The following PPFIA1 variants were observed in gnomAD, a reference collection of about 807,000 sequenced individuals.
PPFIA1 encodes liprin-alpha-1.
PPFIA1 carries 25 observed loss-of-function variants against 149.9 expected under a neutral mutation model. That is an observed-to-expected ratio of 0.17 (90% confidence interval 0.12 to 0.23). The LOEUF is 0.23. Ranked by LOEUF, PPFIA1 falls within the 10% of genes least tolerant of loss-of-function variation. PPFIA1 has a pLI of 1.00. For synonymous variants in PPFIA1, 549 were observed against 552.8 expected (o/e 0.99, Z 0.10); for missense variants, 1,362 against 1,506.5 (o/e 0.90, Z 1.59).
chr11:70,344,397 A>G (rs1477488877), intron 15 of PPFIA1, among the ~76,000 whole-genome samples: 2 of 152,234 alleles, frequency 1.3e-5, no homozygotes, highest in Non-Finnish European at 2.9e-5. Flanking sequence ...AGTGCCACTC[A>G]CCAGAGAGAC....
At chr11:70,325,471 C>T (rs765976186) in intron 4 of PPFIA1, 29 bp from the exon 5 acceptor site, 2 of 1,483,792 alleles carry the variant, frequency 1.3e-6, no homozygotes, top group East Asian at 4.5e-5. Context: ...TACACACACA[C>T]ACACAAACTC....
chr11:70,359,737 C>T (rs4980597), intron 19 of PPFIA1, among the ~76,000 whole-genome samples: 69,508 of 152,180 alleles, frequency 0.46, 18,317 homozygotes, highest in African/African-American at 0.72. Flanking sequence ...TTATAAAATG[C>T]ACAACATTAT....
intron 2 of PPFIA1, among the ~76,000 whole-genome samples, chr11:70,305,830 A>G (rs118038714): frequency 0.011 from 1,704 of 152,320 alleles, 14 homozygotes; most frequent in Middle Eastern, 0.017. Flanking sequence ...ATGTTAGGAT[A>G]CATGTAATGT....
intron 2 of PPFIA1, among the ~76,000 whole-genome samples, chr11:70,287,796 G>T (rs540777655): frequency 5.3e-5 from 8 of 151,778 alleles, no homozygotes; most frequent in Non-Finnish European, 7.4e-5. Context: ...TGCATGTACC[G>T]CCACACCTGG....
At chr11:70,326,476 A>C (rs979751078) in intron 6 of PPFIA1, 113 bp downstream of exon 6, 13 of 1,278,738 alleles carry the variant, frequency 1.0e-5, no homozygotes, top group Non-Finnish European at 1.3e-5. Flanking sequence ...AGTGGTCATG[A>C]AAGTTGTGTA....
chr11:70,275,645 A>G (rs2050339422), intron 2 of PPFIA1, among the ~76,000 whole-genome samples: 1 of 152,164 alleles, frequency 6.6e-6, no homozygotes, highest in Non-Finnish European at 1.5e-5. Flanking sequence ...TTGACCTTGC[A>G]TAATTTCTTA....
At chr11:70,353,027 T>G (rs2056162157) in intron 16 of PPFIA1, among the ~76,000 whole-genome samples, 1 of 152,180 alleles carries the variant, frequency 6.6e-6, no homozygotes, top group Non-Finnish European at 1.5e-5. Flanking sequence ...TTGAAAGCCT[T>G]TCATTGTTTT....
chr11:70,287,413 C>A (rs1435656818), intron 2 of PPFIA1, among the ~76,000 whole-genome samples: 1 of 152,102 alleles, frequency 6.6e-6, no homozygotes, highest in East Asian at 1.9e-4. Context: ...TTTGGTGCAG[C>A]TCTTTCAGCG....
intron 16 of PPFIA1, 115 bp downstream of exon 16, chr11:70,348,535 A>G (rs2055856997): frequency 2.3e-6 from 2 of 864,030 alleles, no homozygotes; most frequent in South Asian, 3.4e-5. Context: ...TAAGAGGTTC[A>G]AGATTATAAA....
At chr11:70,335,541 G>T (rs1263429043) in intron 10 of PPFIA1, 22 bp from the exon 11 acceptor site, 2 of 1,611,610 alleles carry the variant, frequency 1.2e-6, no homozygotes, top group Non-Finnish European at 8.5e-7. Flanking sequence ...AGGTTTATAA[G>T]ACTTTGTTTC....
intron 21 of PPFIA1, chr11:70,362,889 T>C (rs2056734161): frequency 6.3e-6 from 1 of 159,426 alleles, no homozygotes; most frequent in Non-Finnish European, 1.4e-5. Context: ...AGCCTTCCAA[T>C]GTGCTGGGAT....
chr11:70,324,745 C>G, intron 3 of PPFIA1, 102 bp from the exon 4 acceptor site: 2 of 1,174,838 alleles, frequency 1.7e-6, no homozygotes, highest in South Asian at 1.6e-5. Context: ...ATTGAAGGGA[C>G]TTCATTTTAG....
rs773920211 is a variant in PPFIA1 at position 70,272,400 on chromosome 11, T to C, written c.228T>C (p.Asp76=). The change falls in exon 2 of 28, where the codon GAT becomes GAC. Residue 76 remains aspartate (D), a synonymous_variant. Transcript: ENST00000253925. The part of the protein sequence containing the change: ...GKLHEVGHER[D]SLQRQLNTAL... ...TACACGAGGTTGGTCATGAAAGAGATTCCTTGCAGAGACAGCTCAACACGG... is the reference window on the plus strand; with the variant it reads ...TACACGAGGTTGGTCATGAAAGAGACTCCTTGCAGAGACAGCTCAACACGG... 1 of 1,614,130 alleles carries C rather than the reference T, an allele frequency of 6.2e-7. No individual in the cohort carries two copies. The highest frequency in any genetic ancestry group is 1.1e-5 in the South Asian group (1 of 91,086).
At chr11:70,335,982 G>A (rs2054952413) in intron 11 of PPFIA1, among the ~76,000 whole-genome samples, 1 of 152,112 alleles carries the variant, frequency 6.6e-6, no homozygotes, top group Non-Finnish European at 1.5e-5. Context: ...AATATTTTAG[G>A]CTTTTAGTAG....
At chr11:70,290,488 T>C (rs2136202738) in intron 2 of PPFIA1, among the ~76,000 whole-genome samples, 1 of 152,352 alleles carries the variant, frequency 6.6e-6, no homozygotes, top group South Asian at 2.1e-4. Flanking sequence ...CTGCTAATGC[T>C]AATTTAGAGA....
chr11:70,367,159 G>A (rs1332341894), intron 21 of PPFIA1, among the ~76,000 whole-genome samples: 1 of 152,202 alleles, frequency 6.6e-6, no homozygotes, highest in East Asian at 1.9e-4. Context: ...TCTTTGCGGT[G>A]GAAATATAAA....
chr11:70,326,172 A>T, intron 5 of PPFIA1, 90 bp from the exon 6 acceptor site: 1 of 725,542 alleles, frequency 1.4e-6, no homozygotes, highest in Non-Finnish European at 2.3e-6. Flanking sequence ...AGCAGTTTTT[A>T]GTTGTGTTTT....
Position 70,310,206 on chromosome 11 carries a change from A to G in PPFIA1, c.265-14196A>G, listed in dbSNP as rs75294288. On this transcript the variant is annotated intron_variant, in intron 2 of 27. Coordinates refer to ENST00000253925, the MANE Select transcript of PPFIA1 (RefSeq NM_003626.5). Reference sequence around the variant, plus strand: ...AGATGGATTATAAATTGTGTTTATTATAAAGTGGCTGGCAATGCCACTGTA... The same window carrying G: ...AGATGGATTATAAATTGTGTTTATTGTAAAGTGGCTGGCAATGCCACTGTA... Among the ~76,000 whole-genome samples, 105 of 152,300 alleles carry G rather than the reference A, an allele frequency of 6.9e-4. 1 individual carries two copies. The highest frequency in any genetic ancestry group is 6.8e-3 in the Middle Eastern group (2 of 294).
intron 19 of PPFIA1, among the ~76,000 whole-genome samples, chr11:70,361,445 TC>T (rs2056639988): frequency 6.6e-6 from 1 of 152,176 alleles, no homozygotes; most frequent in South Asian, 2.1e-4. Flanking sequence ...TTTTGTTTTT[TC>T]CCACTGAATA....
Sources: gnomAD v4.1 joint callset for allele counts (sites outside exome capture counted in the v4.1 genomes callset) on GRCh38, gnomAD v4.1.1 for gene constraint, MANE v1.5 for transcripts, NCBI Gene and HGNC (gene_info 2026-07-23, HGNC 2026-07-21) for gene names.